Variants in RBFOX1 observed in about 807,000 individuals in gnomAD.
RBFOX1 encodes RNA binding fox-1 homolog 1.
A neutral mutation model predicts 57.7 loss-of-function variants in RBFOX1; 8 were observed. The ratio of observed to expected loss-of-function variants is 0.14; its 90% CI spans 0.08 to 0.25. RBFOX1 has a LOEUF of 0.25. RBFOX1 is among the 10% of genes least tolerant of loss of function. The pLI, the probability that RBFOX1 is intolerant of heterozygous loss-of-function variation, is 1.00. For synonymous variants in RBFOX1, 326 were observed against 222.4 expected (o/e 1.47, Z -4.15); for missense variants, 611 against 548.5 (o/e 1.11, Z -1.14).
At chr16:6,837,088 C>T (rs942349818) in intron 3 of RBFOX1, among the ~76,000 whole-genome samples, 1 of 152,182 alleles carries the variant, frequency 6.6e-6, no homozygotes, top group African/African-American at 2.4e-5. Context: ...TATTGGTTAA[C>T]AATAGCCAGA....
At chr16:6,949,436 G>C (rs1234431300) in intron 3 of RBFOX1, among the ~76,000 whole-genome samples, 1 of 152,138 alleles carries the variant, frequency 6.6e-6, no homozygotes, top group Non-Finnish European at 1.5e-5. Flanking sequence ...CCACAGGCTG[G>C]GTTGCGTAAG....
At chr16:7,495,665 G>A (rs1758454641) in intron 4 of RBFOX1, among the ~76,000 whole-genome samples, 1 of 151,886 alleles carries the variant, frequency 6.6e-6, no homozygotes, top group Non-Finnish European at 1.5e-5. Context: ...TTTTGCATGT[G>A]CAGAATTTAT....
intron 3 of RBFOX1, among the ~76,000 whole-genome samples, chr16:5,686,504 G>A (rs1256129342): frequency 1.3e-5 from 2 of 152,220 alleles, no homozygotes; most frequent in East Asian, 1.9e-4. Context: ...GAGAGATCCT[G>A]GCTTTGTCTA....
In RBFOX1 at chr16:7,019,827, C is replaced by A. The variant is rs560175422; in HGVS notation, c.-15-32230C>A. ...TCCCATTAATCCTGAACATATGATT[C>A]TCTCTAGCTGTTCCACACCTCCCAA... On this transcript the variant is annotated intron_variant, in intron 3 of 15. Transcript: ENST00000550418. 3.3e-4 allele frequency among the ~76,000 whole-genome samples: 51 copies of A among 152,310 alleles called. 1 individual carries two copies. Among genetic ancestry groups the A allele is most frequent in the African/African-American group, 1.2e-3 (50 of 41,586 alleles).
chr16:5,482,179 G>T (rs957613644), intron 2 of RBFOX1, among the ~76,000 whole-genome samples: 1 of 152,142 alleles, frequency 6.6e-6, no homozygotes, highest in Non-Finnish European at 1.5e-5. Flanking sequence ...CAAGTCCCAG[G>T]ATTTGTAAGA....
chr16:5,842,610 G>A (rs1477745920), intron 3 of RBFOX1, among the ~76,000 whole-genome samples: 1 of 152,032 alleles, frequency 6.6e-6, no homozygotes, highest in Admixed American at 6.6e-5. Context: ...TCTGCTCTAG[G>A]TGCTGGGGAT....
In RBFOX1 at chr16:5,582,572, T is replaced by TTTTTTTTTTTTTTTTTTTTTTTTTTTG. The variant is rs369563835; in HGVS notation, c.259-16330_259-16329insTTTTTTTTTTTTTTTTTTTTTTTTTTG. ...CTTTTTTTTTTTTTTTTTTTTTTTT[T>TTTTTTTTTTTTTTTTTTTTTTTTTTTG]AAACGGAGTCTTTGTTGCCCAGGCT... On this transcript the variant is annotated intron_variant, in intron 2 of 2. Coordinates refer to the RBFOX1 transcript ENST00000585867. Among the ~76,000 whole-genome samples, 2 of 106,058 alleles carry TTTTTTTTTTTTTTTTTTTTTTTTTTTG rather than the reference T, an allele frequency of 1.9e-5. 1 individual carries two copies. Among genetic ancestry groups the TTTTTTTTTTTTTTTTTTTTTTTTTTTG allele is most frequent in the African/African-American group, 7.7e-5 (2 of 25,862 alleles). 69.6% of individuals were successfully genotyped at this position (106,058 alleles called of 152,430 possible). A position where few individuals can be genotyped will look rare whatever the true frequency, so the allele number is the denominator to read the frequency against.
chr16:7,083,049 G>A (rs2059437545), intron 4 of RBFOX1, among the ~76,000 whole-genome samples: 1 of 152,130 alleles, frequency 6.6e-6, no homozygotes, highest in African/African-American at 2.4e-5. Flanking sequence ...AAAATGGAAG[G>A]TTTTGGGAGT....
intron 1 of RBFOX1, among the ~76,000 whole-genome samples, chr16:6,249,243 A>G (rs1173396757): frequency 1.3e-5 from 2 of 152,256 alleles, no homozygotes; most frequent in South Asian, 2.1e-4. Flanking sequence ...AGGTTTTGAG[A>G]GCAGGAAAAA....
chr16:6,131,335 T>G (rs2096628223), intron 1 of RBFOX1, among the ~76,000 whole-genome samples: 1 of 152,234 alleles, frequency 6.6e-6, no homozygotes, highest in Admixed American at 6.5e-5. Flanking sequence ...CTGTACTGAT[T>G]TATCTACGTA....
chr16:7,133,310 T>C (rs1440068202), intron 4 of RBFOX1, among the ~76,000 whole-genome samples: 4 of 152,260 alleles, frequency 2.6e-5, no homozygotes, highest in African/African-American at 9.6e-5. Context: ...TGAAAAGCTT[T>C]GGCTTTTGAG....
At chr16:6,784,822 T>C (rs1473171189) in intron 3 of RBFOX1, among the ~76,000 whole-genome samples, 1 of 152,144 alleles carries the variant, frequency 6.6e-6, no homozygotes, top group East Asian at 1.9e-4. Context: ...ACCTCATATA[T>C]TTCATTGTTT....
intron 7 of RBFOX1, among the ~76,000 whole-genome samples, chr16:7,589,019 C>A (rs2094292767): frequency 6.6e-6 from 1 of 152,200 alleles, no homozygotes; most frequent in Non-Finnish European, 1.5e-5. Flanking sequence ...TACAATCGTT[C>A]TCGAACTTAA....
chr16:6,807,627 C>G (rs139286833), intron 3 of RBFOX1, among the ~76,000 whole-genome samples: 3 of 151,908 alleles, frequency 2.0e-5, no homozygotes, highest in Non-Finnish European at 2.9e-5. Flanking sequence ...ACCAGCCTGG[C>G]GAGCATGGTG....
chr16:5,396,998 G>C (rs1024000575), intron 1 of RBFOX1, among the ~76,000 whole-genome samples: 3 of 152,172 alleles, frequency 2.0e-5, no homozygotes, highest in Non-Finnish European at 4.4e-5. Flanking sequence ...TCTTGCCTTT[G>C]AAGATCTCAG....
At chr16:7,428,949 T>C (rs1379279861) in intron 4 of RBFOX1, among the ~76,000 whole-genome samples, 2 of 152,088 alleles carry the variant, frequency 1.3e-5, no homozygotes, top group Admixed American at 6.6e-5. Flanking sequence ...CACAGTACAA[T>C]GCCTGGCGCT....
intron 2 of RBFOX1, among the ~76,000 whole-genome samples, chr16:6,461,532 A>G (rs1164925659): frequency 1.3e-5 from 2 of 152,220 alleles, no homozygotes; most frequent in Admixed American, 6.5e-5. Flanking sequence ...AAACAATGTC[A>G]TATCAACTAA....
At chr16:7,570,395 T>A (rs2092652419) in intron 5 of RBFOX1, among the ~76,000 whole-genome samples, 1 of 152,178 alleles carries the variant, frequency 6.6e-6, no homozygotes, top group Admixed American at 6.5e-5. Flanking sequence ...AACTTCAACA[T>A]CTCTAATTTC....
At chr16:6,970,688 C>G (rs865930856) in intron 3 of RBFOX1, among the ~76,000 whole-genome samples, 1 of 152,168 alleles carries the variant, frequency 6.6e-6, no homozygotes, top group Non-Finnish European at 1.5e-5. Flanking sequence ...TCTAAAAATC[C>G]TAGCTCTTAA....
Sources: allele counts gnomAD v4.1 joint callset (sites outside exome capture counted in the v4.1 genomes callset), GRCh38; gene constraint gnomAD v4.1.1; transcripts MANE v1.5; gene names NCBI Gene and HGNC (gene_info 2026-07-23, HGNC 2026-07-21).